DACH2: variants seen among roughly 807,000 people sequenced by gnomAD.
The protein encoded by DACH2 is dachshund homolog 2.
DACH2 carries 17 observed loss-of-function variants against 35.8 expected under a neutral mutation model. The ratio of observed to expected loss-of-function variants is 0.48; its 90% confidence interval spans 0.33 to 0.71. The LOEUF (loss-of-function observed/expected upper bound fraction) is 0.71. DACH2 is among the 30% of genes least tolerant of loss of function. The pLI is 0.02. For missense variants in DACH2, 469 were observed against 472.7 expected, an observed-to-expected ratio of 0.99 and a Z score of 0.07; for synonymous variants, 195 against 177.3, an observed-to-expected ratio of 1.10 and a Z score of -0.79.
chrX:86,684,630 AT>A (rs1389034578), intron 4 of DACH2, among the ~76,000 whole-genome samples: 1 of 111,246 alleles, frequency 9.0e-6, no homozygotes, highest in Non-Finnish European at 1.9e-5. Flanking sequence ...TACATCCATA[AT>A]ATTACACTTT....
At chrX:86,517,417 CTT>C (rs761844006) in intron 3 of DACH2, among the ~76,000 whole-genome samples, 5 of 95,684 alleles carry the variant, frequency 5.2e-5, no homozygotes, top group Admixed American at 1.1e-4. Context: ...CCTTTGCCCA[CTT>C]TTTTTTTTTT....
At position 86,348,222 on chromosome X, in the gene DACH2, A is replaced by G. The variant is rs747637150; in HGVS notation, c.489-28602A>G. On this transcript the variant is annotated intron_variant, in intron 1 of 11. Transcript: ENST00000373125. ...CAGAGAACCTCCTACACAAACCCTTATCATCTCGGACTGTTGCAAAAATCT... is the reference window on the plus strand; with the variant it reads ...CAGAGAACCTCCTACACAAACCCTTGTCATCTCGGACTGTTGCAAAAATCT... Among the ~76,000 whole-genome samples the G allele has an allele frequency of 1.3e-4, 14 of 111,760 alleles. No individual in the cohort carries two copies. In the South Asian group the frequency reaches 4.9e-3, roughly 39 times the overall value.
intron 1 of DACH2, among the ~76,000 whole-genome samples, chrX:86,270,225 C>A (rs867721347): frequency 3.7e-5 from 4 of 108,962 alleles, no homozygotes; most frequent in African/African-American, 1.3e-4. Context: ...AGATGGATAT[C>A]AGAACCTAGT....
In DACH2 at chrX:86,412,486, C is replaced by T. The variant is rs183265084; in HGVS notation, c.527+35624C>T. ...TAATTGTGACTTCAAAAGGTCATTCCGCCATTCTATCAATCCAGCTGCTTC... is the reference window on the plus strand; with the variant it reads ...TAATTGTGACTTCAAAAGGTCATTCTGCCATTCTATCAATCCAGCTGCTTC... On this transcript the variant is annotated intron_variant, in intron 2 of 11. Coordinates refer to ENST00000373125, the MANE Select transcript of DACH2 (RefSeq NM_053281.3). Among the ~76,000 whole-genome samples, 27 of 111,628 alleles carry T rather than the reference C, an allele frequency of 2.4e-4. No homozygotes were observed. The East Asian group carries it at 5.1e-3, about 21-fold the overall frequency.
intron 6 of DACH2, among the ~76,000 whole-genome samples, chrX:86,719,234 A>C: frequency 8.9e-6 from 1 of 112,228 alleles, no homozygotes. Context: ...TAGCTGTTGT[A>C]AATGGGATTG....
chrX:86,648,656 CAATTATGGTATA>C (rs775002449), intron 3 of DACH2, among the ~76,000 whole-genome samples: 1 of 110,787 alleles, frequency 9.0e-6, no homozygotes, highest in Non-Finnish European at 1.9e-5. Flanking sequence ...AAAGTCACTG[CAATTATGGTATA>C]AATTATGGTG....
chrX:86,725,832 G>T lies in DACH2; in HGVS notation c.1104+11112G>T, dbSNP rs72633162. Among the ~76,000 whole-genome samples, 153 of 111,363 alleles carry T rather than the reference G, an allele frequency of 1.4e-3. No homozygotes were observed. The East Asian group carries it at 0.02, about 15-fold the overall frequency. ...TGGAGGCTAGTTCCCCTGGCCTGCT[G>T]GTAGCACATGTGGGTGGGTATCATC... On this transcript the variant is annotated intron_variant, in intron 6 of 11. Coordinates refer to ENST00000373125, the MANE Select transcript of DACH2 (RefSeq NM_053281.3).
intron 1 of DACH2, among the ~76,000 whole-genome samples, chrX:86,279,502 C>T (rs773811277): frequency 2.7e-5 from 3 of 111,215 alleles, no homozygotes; most frequent in African/African-American, 6.5e-5. Flanking sequence ...ACGCAAAGGA[C>T]GTCCACACAG....
intron 3 of DACH2, among the ~76,000 whole-genome samples, chrX:86,622,276 T>C (rs1569454367): frequency 8.9e-6 from 1 of 112,090 alleles, no homozygotes; most frequent in South Asian, 3.6e-4. Context: ...ATTTATTTTA[T>C]TTCATTTTCA....
intron 7 of DACH2, among the ~76,000 whole-genome samples, chrX:86,764,288 G>A (rs891527690): frequency 5.4e-5 from 6 of 111,280 alleles, no homozygotes; most frequent in African/African-American, 9.8e-5. Context: ...GGTAAATTGC[G>A]TGGTGCTGAG....
rs1279276300 is a variant in DACH2 at position 86,283,033 on chromosome X, C to T, written c.489-93791C>T. Among the ~76,000 whole-genome samples the T allele has an allele frequency of 7.1e-4, 22 of 31,039 alleles. 4 individuals carry two copies. Among genetic ancestry groups the T allele is most frequent in the Middle Eastern group, 0.011 (1 of 87 alleles). The allele number at this position is 31,039 out of a possible 115,157, so 27.0% of individuals were successfully genotyped here. A position where few individuals can be genotyped will look rare whatever the true frequency, so the allele number is the denominator to read the frequency against. ...GACCTCGTGATCCGCCCGCCTCGGC[C>T]TCCCAAAGTGCTGGGATTACAGGCG... On this transcript the variant is annotated intron_variant, in intron 1 of 11. Coordinates refer to ENST00000373125, the MANE Select transcript of DACH2 (RefSeq NM_053281.3).
At chrX:86,370,437 G>A (rs1019482850) in intron 1 of DACH2, among the ~76,000 whole-genome samples, 2 of 111,603 alleles carry the variant, frequency 1.8e-5, no homozygotes, top group African/African-American at 6.5e-5. Flanking sequence ...TTTTCTGTGA[G>A]TCATTCTGAA....
intron 3 of DACH2, among the ~76,000 whole-genome samples, chrX:86,611,984 T>G (rs772291720): frequency 1.9e-5 from 2 of 106,573 alleles, no homozygotes; most frequent in Non-Finnish European, 3.9e-5. Flanking sequence ...TGTGTGTGTG[T>G]GGGTAGGGGG....
In DACH2 at chrX:86,473,559, C is replaced by T. The variant is rs1170907802; in HGVS notation, c.528-40720C>T. Among the ~76,000 whole-genome samples, 23 of 111,304 alleles carry T rather than the reference C, an allele frequency of 2.1e-4. No individual in the cohort carries two copies. In the Admixed American group the frequency reaches 2.2e-3, roughly 11 times the overall value. On this transcript the variant is annotated intron_variant, in intron 2 of 11. Coordinates refer to ENST00000373125, the MANE Select transcript of DACH2 (RefSeq NM_053281.3). The stretch of plus-strand genomic sequence containing the variant: ...AGCCTCTGAAAACTACCATTCTACT[C>T]TCTATTTCCATGAGTTCAATTTTTT...
chrX:86,374,150 G>A (rs1602452465), intron 1 of DACH2, among the ~76,000 whole-genome samples: 1 of 110,630 alleles, frequency 9.0e-6, no homozygotes, highest in Non-Finnish European at 1.9e-5. Context: ...TCAAAAGTGA[G>A]AATATCATAT....
chrX:86,205,528 C>CCTTA (rs1166914682), intron 1 of DACH2, among the ~76,000 whole-genome samples: 1 of 84,064 alleles, frequency 1.2e-5, no homozygotes, highest in Non-Finnish European at 2.2e-5. Context: ...TTCCTTCCTT[C>CCTTA]CTTCCTTCCT....
intron 2 of DACH2, among the ~76,000 whole-genome samples, chrX:86,389,249 T>C (rs1449758195): frequency 8.9e-6 from 1 of 112,199 alleles, no homozygotes; most frequent in Non-Finnish European, 1.9e-5. Context: ...GCAACTTTAT[T>C]AGGTAAAATA....
At chrX:86,295,796 G>C (rs2034440325) in intron 1 of DACH2, among the ~76,000 whole-genome samples, 1 of 110,469 alleles carries the variant, frequency 9.1e-6, no homozygotes, top group South Asian at 3.8e-4. Context: ...AGAGGAGCCA[G>C]GGGGATTTGG....
intron 1 of DACH2, among the ~76,000 whole-genome samples, chrX:86,361,908 C>G (rs1442036798): frequency 1.8e-5 from 2 of 110,817 alleles, no homozygotes; most frequent in East Asian, 5.7e-4. Context: ...TATTGGAGAC[C>G]TCCAAACTCA....
Sources: gnomAD v4.1 joint callset for allele counts (sites outside exome capture counted in the v4.1 genomes callset) on GRCh38, gnomAD v4.1.1 for gene constraint, MANE v1.5 for transcripts, NCBI Gene and HGNC (gene_info 2026-07-23, HGNC 2026-07-21) for gene names.